The following AXDND1 variants were observed in gnomAD, a reference collection of about 807,000 sequenced individuals.
AXDND1 encodes the protein axonemal dynein light chain domain containing 1.
In AXDND1, 110 loss-of-function variants were observed where a neutral mutation model predicts 137.5. The ratio of observed to expected loss-of-function variants is 0.80; its 90% CI spans 0.69 to 0.94. The LOEUF (loss-of-function observed/expected upper bound fraction) is 0.94. Among genes scored for constraint, AXDND1 ranks in the 40% least tolerant of loss-of-function variants. AXDND1 has a pLI of 0.00. For missense variants in AXDND1, 1,191 were observed against 1,169.8 expected (o/e 1.02, Z -0.26); for synonymous variants, 414 against 399.7 (o/e 1.04, Z -0.43).
intron 21 of AXDND1, 53 bp from the exon 22 acceptor site, chr1:179,525,281 A>G: frequency 6.6e-7 from 1 of 1,508,770 alleles, no homozygotes; most frequent in South Asian, 1.3e-5. Context: ...TTGAACAAAT[A>G]ATTGCTAATA....
intron 11 of AXDND1, among the ~76,000 whole-genome samples, chr1:179,406,823 T>G (rs2125199612): frequency 6.6e-6 from 1 of 152,308 alleles, no homozygotes; most frequent in Middle Eastern, 3.4e-3. Context: ...ATCTATATCT[T>G]TTACATGGGG....
At chr1:179,492,439 A>G (rs756335827) in intron 19 of AXDND1, among the ~76,000 whole-genome samples, 1 of 101,446 alleles carries the variant, frequency 9.9e-6, no homozygotes, top group African/African-American at 3.4e-5. Flanking sequence ...AAAATGGAAG[A>G]AAAAAAAAAA....
chr1:179,400,600 T>TTAA (rs1553259107), intron 11 of AXDND1, among the ~76,000 whole-genome samples: 1 of 138,296 alleles, frequency 7.2e-6, no homozygotes, highest in African/African-American at 2.7e-5. Context: ...AGGGAAGAAA[T>TTAA]AAAAAAAAAA....
intron 18 of AXDND1, 144 bp from the exon 19 acceptor site, chr1:179,491,394 C>A: frequency 3.3e-6 from 2 of 605,508 alleles, no homozygotes; most frequent in Admixed American, 3.1e-5. Context: ...TAGGGTCATG[C>A]TAGCTGATGA....
At chr1:179,459,571 T>C (rs927778211) in intron 16 of AXDND1, among the ~76,000 whole-genome samples, 1 of 152,058 alleles carries the variant, frequency 6.6e-6, no homozygotes, top group African/African-American at 2.4e-5. Flanking sequence ...TACGTTTGCA[T>C]TTGCTTTCTG....
In AXDND1 at chr1:179,399,733, AAAAC is replaced by A. The variant is rs530785573; in HGVS notation, c.1109+4538_1109+4541del. Reference sequence around the variant, plus strand: ...ATGAACTCAAACAAATCGGTAAGAAAAAACAAACAATCACGTCAAAAAGTGGGCA... The same window carrying A: ...ATGAACTCAAACAAATCGGTAAGAAAAAACAATCACGTCAAAAAGTGGGCA... On this transcript the variant is annotated intron_variant, in intron 11 of 25. Coordinates refer to ENST00000367618, the MANE Select transcript of AXDND1 (RefSeq NM_144696.6). 5.2e-3 allele frequency among the ~76,000 whole-genome samples: 796 copies of A among 152,352 alleles called. 8 individuals are homozygous for A. The highest frequency in any genetic ancestry group is 0.018 in the African/African-American group (765 of 41,576).
At chr1:179,430,865 C>A (rs1657266348) in intron 14 of AXDND1, among the ~76,000 whole-genome samples, 1 of 152,194 alleles carries the variant, frequency 6.6e-6, no homozygotes, top group African/African-American at 2.4e-5. Flanking sequence ...TTTCTTTTCT[C>A]TCTTTTTGAA....
chr1:179,528,211 AG>A (rs1343320563), intron 22 of AXDND1, 115 bp from the exon 23 acceptor site: 2 of 679,238 alleles, frequency 2.9e-6, no homozygotes, highest in Non-Finnish European at 5.1e-6. Context: ...GTGTGATTAA[AG>A]GAAATGGAAA....
At chr1:179,541,705 TATATGCATGA>T (rs1256245001) in intron 25 of AXDND1, among the ~76,000 whole-genome samples, 7 of 145,926 alleles carry the variant, frequency 4.8e-5, no homozygotes, top group South Asian at 2.1e-4. Context: ...TGCATGATAA[TATATGCATGA>T]TAATATATGC....
At chr1:179,506,452 G>T (rs1668544026) in intron 20 of AXDND1, among the ~76,000 whole-genome samples, 1 of 152,108 alleles carries the variant, frequency 6.6e-6, no homozygotes. Context: ...CTCTATGCCG[G>T]CTGTGCACAG....
chr1:179,500,597 TCTC>T (rs1431041579), intron 20 of AXDND1, among the ~76,000 whole-genome samples: 1 of 152,072 alleles, frequency 6.6e-6, no homozygotes, highest in Non-Finnish European at 1.5e-5. Context: ...AGATGTCAAT[TCTC>T]CTCAGGATGC....
At chr1:179,448,400 T>A in intron 16 of AXDND1, 1 of 625,630 alleles carries the variant, frequency 1.6e-6, no homozygotes, top group Non-Finnish European at 2.9e-6. Flanking sequence ...TCAGTTCCTT[T>A]CATCCATTAT....
intron 21 of AXDND1, among the ~76,000 whole-genome samples, chr1:179,522,892 C>T (rs535538008): frequency 1.5e-5 from 2 of 136,688 alleles, no homozygotes; most frequent in Non-Finnish European, 3.3e-5. Flanking sequence ...CATAATTTAA[C>T]ATTGCTATAA....
At chr1:179,438,578 G>GAGT (rs1179283216) in intron 15 of AXDND1, among the ~76,000 whole-genome samples, 2 of 152,222 alleles carry the variant, frequency 1.3e-5, no homozygotes, top group African/African-American at 4.8e-5. Context: ...AGGACACGAT[G>GAGT]AGTAAGCTGA....
Position 179,430,580 on chromosome 1 carries a change from G to T in AXDND1, c.1461G>T (p.Gly487=), listed in dbSNP as rs772429671. Residue 487 remains glycine, a synonymous_variant, in exon 14 of 26, where the codon GGG becomes GGT. Transcript: ENST00000367618. Reference sequence around the variant, plus strand: ...AGACACTGAAAATTGTTAAGGATGGGCTTATCAAATGGCAGGAGTTCTTCA... The same window carrying T: ...AGACACTGAAAATTGTTAAGGATGGTCTTATCAAATGGCAGGAGTTCTTCA... ...TSETLKIVKD[G]LIKWQEFFNE... 10 of 1,612,226 alleles carry T rather than the reference G, an allele frequency of 6.2e-6. No homozygotes were observed. The South Asian group carries it at 1.1e-4, about 18-fold the overall frequency.
At chr1:179,456,101 GTCT>G (rs1332151852) in intron 16 of AXDND1, 2 of 506,672 alleles carry the variant, frequency 3.9e-6, no homozygotes, top group Non-Finnish European at 7.6e-6. Flanking sequence ...TCTAAAATAT[GTCT>G]TCTTTGTAGC....
intron 3 of AXDND1, 52 bp downstream of exon 3, chr1:179,369,024 G>C: frequency 6.7e-7 from 1 of 1,482,718 alleles, no homozygotes; most frequent in Non-Finnish European, 9.2e-7. Context: ...TTGGGCATCT[G>C]ATTATTCTTT....
At chr1:179,482,351 G>A (rs1665522098) in intron 17 of AXDND1, among the ~76,000 whole-genome samples, 1 of 152,066 alleles carries the variant, frequency 6.6e-6, no homozygotes, top group Non-Finnish European at 1.5e-5. Context: ...GCTATGCATA[G>A]GGTAGAGTAT....
intron 16 of AXDND1, among the ~76,000 whole-genome samples, chr1:179,466,132 C>G (rs888161502): frequency 6.6e-6 from 1 of 152,126 alleles, no homozygotes; most frequent in Non-Finnish European, 1.5e-5. Flanking sequence ...CACTGTCAGA[C>G]GAGCCCCAGT....
Sources: gnomAD v4.1 joint callset for allele counts (sites outside exome capture counted in the v4.1 genomes callset) on GRCh38, gnomAD v4.1.1 for gene constraint, MANE v1.5 for transcripts, NCBI Gene and HGNC (gene_info 2026-07-23, HGNC 2026-07-21) for gene names.